Variants in NOD1 observed in about 807,000 individuals in gnomAD.
The protein encoded by NOD1 is nucleotide binding oligomerization domain containing 1, also known as nucleotide-binding oligomerization domain-containing protein 1.
Under a neutral mutation model 81.2 loss-of-function variants are expected in NOD1, and 70 were observed. That is an observed-to-expected ratio of 0.86 (90% CI 0.71 to 1.05). The LOEUF (loss-of-function observed/expected upper bound fraction) is 1.05. Ranked by LOEUF, NOD1 falls within the 50% of genes least tolerant of loss-of-function variation. NOD1 has a pLI of 0.00. For synonymous variants in NOD1, 508 were observed against 526.9 expected (o/e 0.96, Z 0.49); for missense variants, 1,233 against 1,228.0 (o/e 1.00, Z -0.06).
chr7:30,436,164 C>T (rs2128005099), intron 10 of NOD1, 83 bp from the exon 11 acceptor site: 1 of 1,140,986 alleles, frequency 8.8e-7, no homozygotes, highest in East Asian at 2.4e-5. Context: ...AGCTGGGAAG[C>T]CTCTGCCTGG....
chr7:30,437,312 G>C (rs779368016), intron 10 of NOD1, among the ~76,000 whole-genome samples: 7 of 152,168 alleles, frequency 4.6e-5, no homozygotes, highest in Non-Finnish European at 7.3e-5. Flanking sequence ...GATAGGTGCA[G>C]CAAATCACCA....
rs1786456268 is a variant in NOD1 at position 30,457,032 on chromosome 7, C to G, written c.-111G>C. The G allele has an allele frequency of 2.4e-6, 2 of 821,874 alleles. No individual in the cohort carries two copies. The allele number at this position is 821,874 out of a possible 1,614,324, so 50.9% of individuals were successfully genotyped here. On this transcript the variant is annotated 5_prime_UTR_variant, in exon 4 of 14. Transcript: ENST00000222823. The stretch of plus-strand genomic sequence containing the variant: ...CGCGCCCTCCAGGGCCCCTGCTACT[C>G]TGCGCAGCCCCTGAAGAGATCAATG...
At chr7:30,447,262 C>T (rs1253176758) in intron 7 of NOD1, 11 of 644,576 alleles carry the variant, frequency 1.7e-5, no homozygotes, top group Non-Finnish European at 2.5e-5. Flanking sequence ...AGACAAGTCA[C>T]GTTACCTCTC....
Position 30,451,465 on chromosome 7 carries a change from G to A in NOD1, c.1952C>T (p.Thr651Met), listed in dbSNP as rs151170709. 2.7e-4 allele frequency: 429 copies of A among 1,613,394 alleles called. 1 individual carries two copies. In the African/African-American group the frequency reaches 4.5e-3, roughly 17 times the overall value. The change falls in exon 6 of 14, where the codon ACG becomes ATG. Residue 651 changes from threonine to methionine, a missense_variant. By Grantham distance (81) the Thr-to-Met change is moderately conservative (BLOSUM62 -1). Transcript: ENST00000222823. The surrounding 1 kb of genome is among the most constrained non-coding windows in gnomAD (Gnocchi z 4.2). ...GATGCAGCGCAGCATCCAGATGAAC[G>A]TGGGCATGGCCTGCACCTGGTTGAA... ...ESFNQVQAMPTFIWMLRCIYE... is the reference protein window; with the variant it reads ...ESFNQVQAMPMFIWMLRCIYE...
At chr7:30,437,954 A>G (rs4720002) in intron 9 of NOD1, among the ~76,000 whole-genome samples, 42,867 of 152,142 alleles carry the variant, frequency 0.28, 6,173 homozygotes, top group Middle Eastern at 0.34. Context: ...GAGAGCTGTC[A>G]GCCCAGGAGC....
intron 11 of NOD1, among the ~76,000 whole-genome samples, chr7:30,435,084 T>G (rs1784268189): frequency 6.6e-6 from 1 of 152,192 alleles, no homozygotes; most frequent in Non-Finnish European, 1.5e-5. Flanking sequence ...TGTATGGAAT[T>G]TATGATACAG....
intron 2 of NOD1, 150 bp downstream of exon 2, chr7:30,459,751 T>C (rs187015983): frequency 1.3e-5 from 2 of 152,586 alleles, no homozygotes; most frequent in Non-Finnish European, 2.9e-5. Context: ...GAGAGAAAAC[T>C]GGAAAGAAGT....
intron 9 of NOD1, among the ~76,000 whole-genome samples, chr7:30,438,678 A>G (rs1784595952): frequency 1.3e-5 from 2 of 152,226 alleles, no homozygotes; most frequent in African/African-American, 2.4e-5. Context: ...TTGCTTACAT[A>G]TATGTATTTA....
chr7:30,465,813 C>A (rs936417840), intron 1 of NOD1, among the ~76,000 whole-genome samples: 1 of 152,222 alleles, frequency 6.6e-6, no homozygotes, highest in Non-Finnish European at 1.5e-5. Context: ...TACAACCCAG[C>A]GTTTTTCAAC....
At chr7:30,475,013 C>T (rs1788635041) in intron 1 of NOD1, among the ~76,000 whole-genome samples, 1 of 152,156 alleles carries the variant, frequency 6.6e-6, no homozygotes, top group Admixed American at 6.5e-5. Flanking sequence ...CAGTTCCTTC[C>T]AAGAAGGTTT....
At chr7:30,456,629 C>T in intron 4 of NOD1, 92 bp downstream of exon 4, 1 of 1,164,454 alleles carries the variant, frequency 8.6e-7, no homozygotes, top group African/African-American at 1.5e-5. Flanking sequence ...CTGGACTAAA[C>T]TCCCACGCTC....
chr7:30,468,889 A>G (rs1024339844), intron 1 of NOD1: 2 of 985,282 alleles, frequency 2.0e-6, no homozygotes, highest in African/African-American at 3.5e-5. Flanking sequence ...AACTGCTTGG[A>G]TGTTCAGGGT....
chr7:30,429,794 G>A (rs1311430451), intron 12 of NOD1, among the ~76,000 whole-genome samples: 1 of 152,196 alleles, frequency 6.6e-6, no homozygotes, highest in Non-Finnish European at 1.5e-5. Flanking sequence ...CACTTTGGGA[G>A]GCCGAGGTGG....
intron 4 of NOD1, 22 bp from the exon 5 acceptor site, chr7:30,455,333 G>A: frequency 1.2e-6 from 2 of 1,605,138 alleles, no homozygotes; most frequent in Non-Finnish European, 1.7e-6. Context: ...ACAAGCATGA[G>A]GGCACGGGCT....
chr7:30,471,190 A>C (rs1183811683), intron 1 of NOD1, among the ~76,000 whole-genome samples: 1 of 152,172 alleles, frequency 6.6e-6, no homozygotes, highest in African/African-American at 2.4e-5. Flanking sequence ...GAGAGTACCC[A>C]GGGATTTATG....
At chr7:30,428,821 G>A (rs1482352249) in intron 13 of NOD1, among the ~76,000 whole-genome samples, 1 of 152,146 alleles carries the variant, frequency 6.6e-6, no homozygotes. Flanking sequence ...TGTGCCTTAT[G>A]GGAGGCAAGA....
At position 30,452,574 on chromosome 7, in the gene NOD1, G is replaced by A. The variant is rs5743341; in HGVS notation, c.843C>T (p.Phe281=). 6.1e-4 allele frequency: 991 copies of A among 1,613,474 alleles called. 3 individuals are homozygous for A. The African/African-American group carries it at 7.0e-3, about 11-fold the overall frequency. ...FLLRFPHVAL[F]TFDGLDELHS... ...GCAGCTCGTCCAGGCCATCGAAGGTGAAGAGGGCCACGTGGGGGAAGCGCA... is the reference window on the plus strand; with the variant it reads ...GCAGCTCGTCCAGGCCATCGAAGGTAAAGAGGGCCACGTGGGGGAAGCGCA... Residue 281 remains phenylalanine (F), a synonymous_variant, in exon 6 of 14, where the codon TTC becomes TTT. Coordinates refer to ENST00000222823, the MANE Select transcript of NOD1 (RefSeq NM_006092.4).
At chr7:30,472,803 T>G in intron 1 of NOD1, among the ~76,000 whole-genome samples, 1 of 152,226 alleles carries the variant, frequency 6.6e-6, no homozygotes, top group East Asian at 1.9e-4. Context: ...CTGTGAGAGA[T>G]AAATGTTTGT....
chr7:30,445,944 G>C (rs939615034), intron 9 of NOD1, among the ~76,000 whole-genome samples, 197 bp downstream of exon 9: 35 of 152,066 alleles, frequency 2.3e-4, no homozygotes, highest in Middle Eastern at 6.8e-3. Flanking sequence ...CAAGAGGCAG[G>C]GGGGAGGGGG....
Sources: allele counts gnomAD v4.1 joint callset (sites outside exome capture counted in the v4.1 genomes callset), GRCh38; gene constraint gnomAD v4.1.1; non-coding constraint Gnocchi (gnomAD v3.1); transcripts MANE v1.5; gene names NCBI Gene and HGNC (gene_info 2026-07-23, HGNC 2026-07-21).